Variants in PIGU observed in about 807,000 individuals in gnomAD.
PIGU encodes phosphatidylinositol glycan anchor biosynthesis class U, also known as GPI-anchor transamidase component PIGU.
A neutral mutation model predicts 49.9 loss-of-function variants in PIGU; 24 were observed. That is an observed-to-expected ratio of 0.48 (90% CI 0.35 to 0.68). PIGU has a LOEUF of 0.68. Among genes scored for constraint, PIGU ranks in the 30% least tolerant of loss-of-function variants. The pLI, the probability that PIGU is intolerant of heterozygous loss-of-function variation, is 0.01. For synonymous variants in PIGU, 220 were observed against 205.7 expected (o/e 1.07, Z -0.59); for missense variants, 490 against 532.6 (o/e 0.92, Z 0.79).
chr20:34,671,207 C>A (rs1453945234), intron 1 of PIGU, among the ~76,000 whole-genome samples: 1 of 152,160 alleles, frequency 6.6e-6, no homozygotes, highest in African/African-American at 2.4e-5. Flanking sequence ...ACCTAAAGTG[C>A]TTAGAACAAT....
intron 9 of PIGU, among the ~76,000 whole-genome samples, chr20:34,582,438 G>A (rs1983518328): frequency 1.3e-5 from 2 of 152,094 alleles, no homozygotes; most frequent in East Asian, 1.9e-4. Flanking sequence ...CTAGCACTTC[G>A]GGAGGCTGAG....
Position 34,582,713 on chromosome 20 carries a change from C to T in PIGU, c.927-1041G>A, listed in dbSNP as rs1462391235. 3.9e-5 allele frequency among the ~76,000 whole-genome samples: 6 copies of T among 152,198 alleles called. No homozygotes were observed. The East Asian group carries it at 7.7e-4, about 20-fold the overall frequency. ...AAAAAAAAAGTAGGCAATCCTCTCACCTGTACTTCACAGATGAGGAAACAG... is the reference window on the plus strand; with the variant it reads ...AAAAAAAAAGTAGGCAATCCTCTCATCTGTACTTCACAGATGAGGAAACAG... On this transcript the variant is annotated intron_variant, in intron 9 of 11. Coordinates refer to ENST00000217446, the MANE Select transcript of PIGU (RefSeq NM_080476.5).
chr20:34,607,225 CG>C (rs905633284), intron 7 of PIGU, among the ~76,000 whole-genome samples: 1 of 152,184 alleles, frequency 6.6e-6, no homozygotes, highest in Non-Finnish European at 1.5e-5. Flanking sequence ...AGAAAAGGGC[CG>C]TTCCTGGCGA....
At chr20:34,632,793 G>T (rs1018563574) in intron 6 of PIGU, among the ~76,000 whole-genome samples, 1 of 152,128 alleles carries the variant, frequency 6.6e-6, no homozygotes, top group African/African-American at 2.4e-5. Flanking sequence ...TTAAGTTCCA[G>T]TATGACAGCT....
chr20:34,666,300 T>C (rs1987089667), intron 1 of PIGU, among the ~76,000 whole-genome samples: 1 of 152,194 alleles, frequency 6.6e-6, no homozygotes, highest in African/African-American at 2.4e-5. Flanking sequence ...AACTCAACTT[T>C]ATGCCTTTCT....
At chr20:34,593,729 G>C (rs951437401) in intron 7 of PIGU, among the ~76,000 whole-genome samples, 1 of 152,146 alleles carries the variant, frequency 6.6e-6, no homozygotes, top group African/African-American at 2.4e-5. Flanking sequence ...AAATAGCTTA[G>C]GGATCCAAAT....
intron 11 of PIGU, among the ~76,000 whole-genome samples, chr20:34,569,844 AG>A: frequency 6.6e-6 from 1 of 152,346 alleles, no homozygotes; most frequent in South Asian, 2.1e-4. Context: ...CTGGGGATAC[AG>A]CCATGAAGAA....
intron 6 of PIGU, among the ~76,000 whole-genome samples, chr20:34,633,894 C>T (rs138127236): frequency 3.3e-5 from 5 of 152,130 alleles, no homozygotes; most frequent in African/African-American, 1.2e-4. Flanking sequence ...TATCACTGTC[C>T]ATGATGGGAG....
intron 4 of PIGU, among the ~76,000 whole-genome samples, chr20:34,642,004 C>T (rs567691548): frequency 1.1e-4 from 17 of 152,102 alleles, no homozygotes; most frequent in South Asian, 2.1e-4. Context: ...TTGACAACAC[C>T]GTTTGGCTTT....
intron 6 of PIGU, among the ~76,000 whole-genome samples, chr20:34,626,146 G>A (rs1046111368): frequency 2.8e-4 from 42 of 151,636 alleles, no homozygotes; most frequent in African/African-American, 9.4e-4. Context: ...ATAATTCTGC[G>A]ATTAATAACT....
chr20:34,652,742 G>C (rs1986578947), intron 2 of PIGU, among the ~76,000 whole-genome samples: 1 of 151,994 alleles, frequency 6.6e-6, no homozygotes, highest in Admixed American at 6.6e-5. Context: ...ATGTTACTCA[G>C]TTTCTAAATA....
intron 11 of PIGU, among the ~76,000 whole-genome samples, chr20:34,565,819 AG>A (rs1982731315): frequency 7.5e-6 from 1 of 132,962 alleles, no homozygotes; most frequent in Non-Finnish European, 1.6e-5. Context: ...CTGCTCACAC[AG>A]GCTCGCACTG....
chr20:34,621,242 T>C (rs117556297), intron 6 of PIGU, among the ~76,000 whole-genome samples: 18 of 152,218 alleles, frequency 1.2e-4, no homozygotes, highest in Non-Finnish European at 2.4e-4. Flanking sequence ...GCAATACATA[T>C]GAAATCCTTT....
chr20:34,630,772 G>C (rs1985677457), intron 6 of PIGU, among the ~76,000 whole-genome samples: 3 of 152,020 alleles, frequency 2.0e-5, no homozygotes. Context: ...TCAGCCTCCT[G>C]AGTAGCTGGG....
intron 11 of PIGU, among the ~76,000 whole-genome samples, chr20:34,565,266 GT>G (rs11482957): frequency 6.6e-6 from 1 of 150,688 alleles, no homozygotes; most frequent in African/African-American, 2.4e-5. Flanking sequence ...GGCTCCTCTA[GT>G]TTTTTTTTGA....
chr20:34,656,557 C>T (rs781163186), intron 2 of PIGU, among the ~76,000 whole-genome samples: 22 of 152,054 alleles, frequency 1.4e-4, no homozygotes, highest in Non-Finnish European at 2.4e-4. Flanking sequence ...GCTGGGATTA[C>T]AGGTATGAGC....
At chr20:34,632,192 T>C (rs1444063945) in intron 6 of PIGU, among the ~76,000 whole-genome samples, 2 of 151,866 alleles carry the variant, frequency 1.3e-5, no homozygotes, top group Non-Finnish European at 2.9e-5. Context: ...TCCATGACCA[T>C]AAAACTGCTC....
chr20:34,644,373 A>G, intron 3 of PIGU, 147 bp from the exon 4 acceptor site: 4 of 610,282 alleles, frequency 6.6e-6, no homozygotes, highest in South Asian at 4.0e-5. Flanking sequence ...CCTCACTTTG[A>G]CTACCCAAAG....
intron 7 of PIGU, among the ~76,000 whole-genome samples, chr20:34,608,444 A>C (rs1451327364): frequency 6.6e-6 from 1 of 152,108 alleles, no homozygotes; most frequent in African/African-American, 2.4e-5. Flanking sequence ...GAAATTCCCA[A>C]ATTTGGGTGG....
Sources: allele counts gnomAD v4.1 joint callset (sites outside exome capture counted in the v4.1 genomes callset), GRCh38; gene constraint gnomAD v4.1.1; transcripts MANE v1.5; gene names NCBI Gene and HGNC (gene_info 2026-07-23, HGNC 2026-07-21).